The following CACNB2 variants were observed in gnomAD, a reference collection of about 807,000 sequenced individuals.
CACNB2 encodes calcium voltage-gated channel auxiliary subunit beta 2, also known as voltage-dependent L-type calcium channel subunit beta-2.
A neutral mutation model predicts 73.3 loss-of-function variants in CACNB2; 42 were observed. The observed-to-expected ratio is 0.57, with a 90% CI of 0.45 to 0.74. The LOEUF (loss-of-function observed/expected upper bound fraction) is 0.74. CACNB2 is among the 30% of genes least tolerant of loss of function. The pLI is 0.00. For missense variants in CACNB2, 940 were observed against 853.0 expected (o/e 1.10, Z -1.27); for synonymous variants, 348 against 310.3 (o/e 1.12, Z -1.28).
rs375485268 is a variant in CACNB2 at position 18,421,563 on chromosome 10, G to A, written c.333+19520G>A. On this transcript the variant is annotated intron_variant, in intron 3 of 13. Transcript: ENST00000324631. ...GATCCACCCACCTCAACCTCCCAAA[G>A]TTCTGGGATTACAGGCCTGAGCCAC... is the stretch of plus-strand genomic sequence containing the variant. Among the ~76,000 whole-genome samples, 45 of 152,152 alleles carry A rather than the reference G, an allele frequency of 3.0e-4. No homozygotes were observed. In the South Asian group the frequency reaches 8.9e-3, roughly 30 times the overall value.
intron 2 of CACNB2, among the ~76,000 whole-genome samples, 185 bp from the exon 3 acceptor site, chr10:18,401,739 A>C (rs3829133): frequency 6.6e-6 from 1 of 152,096 alleles, no homozygotes; most frequent in Non-Finnish European, 1.5e-5. Context: ...AGACACAACT[A>C]TTCTATTGAA....
chr10:18,374,813 G>C (rs1836334055), intron 2 of CACNB2, among the ~76,000 whole-genome samples: 1 of 152,078 alleles, frequency 6.6e-6, no homozygotes, highest in Non-Finnish European at 1.5e-5. Flanking sequence ...TCTATGCATA[G>C]GGTACAGCCT....
chr10:18,201,158 G>T (rs1215127929), intron 2 of CACNB2, among the ~76,000 whole-genome samples: 1 of 152,098 alleles, frequency 6.6e-6, no homozygotes, highest in Non-Finnish European at 1.5e-5. Context: ...TTCATTCAAT[G>T]GACGTATAGT....
rs1460190034 is a variant in CACNB2, at chr10:18,192,717, T to A, written c.213+41742T>A. Among the ~76,000 whole-genome samples, 3 of 152,214 alleles carry A rather than the reference T, an allele frequency of 2.0e-5. No individual in the cohort carries two copies. In the East Asian group the frequency reaches 5.8e-4, roughly 29 times the overall value. ...TATGGATTTATTTATCCTGGGTATT[T>A]CATATAAATGAAATTAGACAACATG... On this transcript the variant is annotated intron_variant, in intron 2 of 13. Transcript: ENST00000324631.
At chr10:18,518,863 G>A in intron 8 of CACNB2, 47 bp from the exon 9 acceptor site, 2 of 1,512,160 alleles carry the variant, frequency 1.3e-6, no homozygotes, top group Non-Finnish European at 1.8e-6. Context: ...ATCATCGTTA[G>A]TAATTTTTTT....
chr10:18,187,129 A>T (rs1201065049), intron 2 of CACNB2, among the ~76,000 whole-genome samples: 1 of 152,064 alleles, frequency 6.6e-6, no homozygotes, highest in African/African-American at 2.4e-5. Context: ...GTGATGCTTG[A>T]GCTGAGAGGC....
chr10:18,534,281 T>G, intron 11 of CACNB2, 54 bp downstream of exon 11: 1 of 1,445,728 alleles, frequency 6.9e-7, no homozygotes, highest in South Asian at 1.1e-5. Context: ...AAAATGTATT[T>G]TATGTTCTGC....
intron 3 of CACNB2, among the ~76,000 whole-genome samples, chr10:18,463,772 A>G (rs956304817): frequency 2.0e-5 from 3 of 151,874 alleles, no homozygotes; most frequent in African/African-American, 7.3e-5. Flanking sequence ...TCCCCTCTCT[A>G]CTGGATCACT....
At chr10:18,279,697 G>T (rs74452900) in intron 2 of CACNB2, among the ~76,000 whole-genome samples, 3,426 of 152,316 alleles carry the variant, frequency 0.022, 70 homozygotes, top group South Asian at 0.035. Flanking sequence ...TAGGCAACCT[G>T]TTAGAAATAC....
At chr10:18,299,077 A>AAT (rs1554787991) in intron 2 of CACNB2, among the ~76,000 whole-genome samples, 5 of 95,920 alleles carry the variant, frequency 5.2e-5, no homozygotes, top group African/African-American at 1.6e-4. Context: ...TAAAAAAAAA[A>AAT]AAATAAAAAA....
chr10:18,411,363 C>A (rs778477220), intron 3 of CACNB2, among the ~76,000 whole-genome samples: 1 of 152,142 alleles, frequency 6.6e-6, no homozygotes, highest in Non-Finnish European at 1.5e-5. Context: ...CACATTGGTA[C>A]TGTCGTTCTT....
At chr10:18,302,100 A>G (rs1419104089) in intron 2 of CACNB2, among the ~76,000 whole-genome samples, 1 of 152,210 alleles carries the variant, frequency 6.6e-6, no homozygotes, top group Non-Finnish European at 1.5e-5. Context: ...ATAGCATAGT[A>G]ATTGATTTAT....
At chr10:18,216,062 G>A (rs926918519) in intron 2 of CACNB2, among the ~76,000 whole-genome samples, 4 of 151,928 alleles carry the variant, frequency 2.6e-5, no homozygotes, top group Non-Finnish European at 4.4e-5. Context: ...TTGAGAGGCC[G>A]AGGCGGGTGG....
At chr10:18,297,246 C>T (rs997551896) in intron 2 of CACNB2, among the ~76,000 whole-genome samples, 1 of 152,140 alleles carries the variant, frequency 6.6e-6, no homozygotes, top group Non-Finnish European at 1.5e-5. Flanking sequence ...ACATCATAAT[C>T]CTTTAAAAAT....
rs1045331277 is a variant in CACNB2 at position 18,539,520 on chromosome 10, G to C, written c.1779G>C (p.Glu593Asp). ...ASHRDHNHRD[E>D]THGSSDHRHR... ...ACCGTGACCACAACCACAGAGACGA[G>C]ACCCACGGGAGCAGTGACCACAGAC... Residue 593 changes from glutamate to aspartate, a missense_variant, in exon 14 of 14, where the codon GAG becomes GAC. Physicochemically the swap from Glu to Asp is conservative, Grantham distance 45. Coordinates refer to ENST00000324631, the MANE Select transcript of CACNB2 (RefSeq NM_201596.3). 8 of 1,613,780 alleles carry C rather than the reference G, an allele frequency of 5.0e-6. No individual in the cohort carries two copies. The highest frequency in any genetic ancestry group is 6.8e-6 in the Non-Finnish European group (8 of 1,179,988).
chr10:18,504,202 G>C (rs1428595112), intron 5 of CACNB2, among the ~76,000 whole-genome samples: 1 of 152,204 alleles, frequency 6.6e-6, no homozygotes, highest in Non-Finnish European at 1.5e-5. Flanking sequence ...GTGGGTATTA[G>C]ATCTTACAGG....
chr10:18,518,826 C>T, intron 8 of CACNB2, 84 bp from the exon 9 acceptor site: 1 of 1,250,690 alleles, frequency 8.0e-7, no homozygotes, highest in South Asian at 1.2e-5. Context: ...GGTTTTCAAG[C>T]ATTCCTAAGA....
chr10:18,187,898 G>A (rs2034224649), intron 2 of CACNB2, among the ~76,000 whole-genome samples: 1 of 152,168 alleles, frequency 6.6e-6, no homozygotes, highest in African/African-American at 2.4e-5. Flanking sequence ...AAATCCACAT[G>A]TAATTGTGGA....
At chr10:18,310,730 C>T (rs1275186178) in intron 2 of CACNB2, among the ~76,000 whole-genome samples, 1 of 150,548 alleles carries the variant, frequency 6.6e-6, no homozygotes, top group East Asian at 2.0e-4. Context: ...CAGGCATGCG[C>T]CACCATGCCT....
Sources: gnomAD v4.1 joint callset for allele counts (sites outside exome capture counted in the v4.1 genomes callset) on GRCh38, gnomAD v4.1.1 for gene constraint, MANE v1.5 for transcripts, NCBI Gene and HGNC (gene_info 2026-07-23, HGNC 2026-07-21) for gene names.